The following SPAG16 variants were observed in gnomAD, a reference collection of about 807,000 sequenced individuals.
SPAG16 encodes sperm associated antigen 16.
Under a neutral mutation model 80.4 loss-of-function variants are expected in SPAG16, and 86 were observed. That is an observed-to-expected ratio of 1.07 (90% CI 0.90 to 1.28). The LOEUF (loss-of-function observed/expected upper bound fraction) is 1.28, where lower values mean the gene tolerates loss of function less well. Ranked by LOEUF, SPAG16 falls within the 50% of genes most tolerant of loss-of-function variation. The pLI, the probability that SPAG16 is intolerant of heterozygous loss-of-function variation, is 0.00. For synonymous variants in SPAG16, 294 were observed against 265.9 expected (o/e 1.11, Z -1.03); for missense variants, 870 against 765.3 (o/e 1.14, Z -1.61).
chr2:213,717,006 TA>T (rs2066265143), intron 10 of SPAG16, among the ~76,000 whole-genome samples: 1 of 152,124 alleles, frequency 6.6e-6, no homozygotes, highest in Admixed American at 6.5e-5. Flanking sequence ...TTGACAGGCT[TA>T]GAGCTGTAAA....
At chr2:214,289,729 T>TA (rs1318997449) in intron 15 of SPAG16, among the ~76,000 whole-genome samples, 1 of 151,912 alleles carries the variant, frequency 6.6e-6, no homozygotes, top group Non-Finnish European at 1.5e-5. Context: ...TTTGGTTTGA[T>TA]ATGAATTCTA....
Position 213,895,129 on chromosome 2 carries a change from A to G in SPAG16, c.1214+32501A>G, listed in dbSNP as rs975622114. ...ATAGTATTTATATACACTGACAGTG[A>G]AGAATCTAAAAAAGAAATCAAGAAT... On this transcript the variant is annotated intron_variant, in intron 11 of 15. Coordinates refer to ENST00000331683, the MANE Select transcript of SPAG16 (RefSeq NM_024532.5). Among the ~76,000 whole-genome samples the G allele has an allele frequency of 7.2e-5, 11 of 152,212 alleles. 1 individual carries two copies. Among genetic ancestry groups the G allele is most frequent in the Middle Eastern group, 3.4e-3 (1 of 294 alleles).
At chr2:213,319,421 G>A (rs926066213) in intron 5 of SPAG16, among the ~76,000 whole-genome samples, 1 of 151,832 alleles carries the variant, frequency 6.6e-6, no homozygotes, top group Non-Finnish European at 1.5e-5. Context: ...TATTGTCTAT[G>A]GATGTAATGT....
At chr2:214,043,866 C>A (rs1245435758) in intron 13 of SPAG16, among the ~76,000 whole-genome samples, 1 of 152,006 alleles carries the variant, frequency 6.6e-6, no homozygotes, top group Non-Finnish European at 1.5e-5. Flanking sequence ...AACATATACA[C>A]ACTTATATGT....
intron 12 of SPAG16, among the ~76,000 whole-genome samples, chr2:213,940,460 A>T (rs935185000): frequency 2.0e-5 from 3 of 151,938 alleles, no homozygotes; most frequent in Admixed American, 6.6e-5. Context: ...ATAATTATAT[A>T]TTTATTTTTA....
intron 10 of SPAG16, among the ~76,000 whole-genome samples, chr2:213,761,203 G>A (rs2068637359): frequency 6.6e-6 from 1 of 152,078 alleles, no homozygotes; most frequent in Admixed American, 6.6e-5. Flanking sequence ...AAATTGTAAG[G>A]GAAATTCGAA....
At chr2:214,024,549 TTAATTCAATA>T (rs1239750828) in intron 13 of SPAG16, among the ~76,000 whole-genome samples, 5 of 151,626 alleles carry the variant, frequency 3.3e-5, no homozygotes, top group South Asian at 2.1e-4. Context: ...ACATAATTAC[TTAATTCAATA>T]TTTTTGTAAA....
intron 10 of SPAG16, among the ~76,000 whole-genome samples, chr2:213,773,001 A>C (rs1277731430): frequency 6.7e-6 from 1 of 149,952 alleles, no homozygotes; most frequent in East Asian, 2.0e-4. Context: ...TTTTTTTTCA[A>C]TTTTTTCATT....
At chr2:213,725,501 T>C (rs1478336191) in intron 10 of SPAG16, among the ~76,000 whole-genome samples, 5 of 152,110 alleles carry the variant, frequency 3.3e-5, no homozygotes, top group Admixed American at 6.6e-5. Flanking sequence ...ACAAAACTGG[T>C]GGCACAGAAT....
intron 15 of SPAG16, among the ~76,000 whole-genome samples, chr2:214,211,908 A>AC: frequency 6.6e-6 from 1 of 151,510 alleles, no homozygotes; most frequent in South Asian, 2.1e-4. Flanking sequence ...CTTTGCCACA[A>AC]CCCCCAAAAC....
chr2:213,881,776 G>A (rs749990218), intron 11 of SPAG16, among the ~76,000 whole-genome samples: 4 of 152,040 alleles, frequency 2.6e-5, no homozygotes, highest in Non-Finnish European at 5.9e-5. Flanking sequence ...GGATTATGGG[G>A]ATTACAATTT....
intron 11 of SPAG16, among the ~76,000 whole-genome samples, chr2:213,906,953 AAG>A (rs34931921): frequency 0.24 from 36,297 of 152,084 alleles, 4,922 homozygotes; most frequent in South Asian, 0.37. Context: ...ATTCTAGACA[AAG>A]ATTTTGTGGG....
chr2:214,074,351 C>A (rs2050957350), intron 13 of SPAG16, among the ~76,000 whole-genome samples: 2 of 152,104 alleles, frequency 1.3e-5, no homozygotes, highest in Admixed American at 6.5e-5. Context: ...ATTTCATATT[C>A]ATATGACAAG....
chr2:213,328,189 T>A (rs1029964935), intron 5 of SPAG16, among the ~76,000 whole-genome samples: 1 of 152,210 alleles, frequency 6.6e-6, no homozygotes, highest in Non-Finnish European at 1.5e-5. Context: ...AAATATAGTA[T>A]TATTTTTTAG....
intron 10 of SPAG16, among the ~76,000 whole-genome samples, chr2:213,771,326 A>T (rs1375251147): frequency 6.6e-6 from 1 of 151,936 alleles, no homozygotes; most frequent in Non-Finnish European, 1.5e-5. Context: ...AAATTTGTTT[A>T]AGTTCCTTGT....
chr2:213,603,724 T>G (rs989410194), intron 10 of SPAG16, among the ~76,000 whole-genome samples: 1 of 152,326 alleles, frequency 6.6e-6, no homozygotes, highest in East Asian at 1.9e-4. Context: ...CAGTGCTATC[T>G]TATGATGTAT....
intron 11 of SPAG16, among the ~76,000 whole-genome samples, chr2:213,871,838 T>TCACACACACACA (rs1045988177): frequency 2.0e-5 from 2 of 101,874 alleles, no homozygotes; most frequent in African/African-American, 6.8e-5. Context: ...CTCAGGAAAT[T>TCACACACACACA]CACACACACA....
chr2:214,367,028 T>C (rs1173228977), intron 15 of SPAG16, among the ~76,000 whole-genome samples: 1 of 152,096 alleles, frequency 6.6e-6, no homozygotes, highest in African/African-American at 2.4e-5. Context: ...TCTCTCCAAC[T>C]GCACCTCTTT....
intron 15 of SPAG16, among the ~76,000 whole-genome samples, chr2:214,311,095 GT>G (rs1421598007): frequency 4.6e-5 from 7 of 152,118 alleles, no homozygotes; most frequent in Non-Finnish European, 8.8e-5. Context: ...GGCCACTAGG[GT>G]CACCTATCCA....
Sources: gnomAD v4.1 joint callset for allele counts (sites outside exome capture counted in the v4.1 genomes callset) on GRCh38, gnomAD v4.1.1 for gene constraint, MANE v1.5 for transcripts, NCBI Gene and HGNC (gene_info 2026-07-23, HGNC 2026-07-21) for gene names.